The following TBX4 variants were observed in gnomAD, a reference collection of about 807,000 sequenced individuals.
TBX4 encodes T-box transcription factor 4.
A neutral mutation model predicts 54.6 loss-of-function variants in TBX4; 13 were observed. The observed-to-expected ratio is 0.24, with a 90% CI of 0.15 to 0.38. The LOEUF (loss-of-function observed/expected upper bound fraction) is 0.38, where lower values mean the gene tolerates loss of function less well. TBX4 is among the 10% of genes least tolerant of loss of function. The pLI, the probability that TBX4 is intolerant of heterozygous loss-of-function variation, is 1.00. For synonymous variants in TBX4, 314 were observed against 306.7 expected (o/e 1.02, Z -0.25); for missense variants, 631 against 728.5 (o/e 0.87, Z 1.54).
At chr17:61,458,065 G>T (rs929919210) in intron 3 of TBX4, among the ~76,000 whole-genome samples, 1 of 151,850 alleles carries the variant, frequency 6.6e-6, no homozygotes, top group Admixed American at 6.6e-5. Flanking sequence ...ATACATTTTC[G>T]TGAGTGACTC....
intron 3 of TBX4, among the ~76,000 whole-genome samples, chr17:61,458,954 C>A (rs1266375852): frequency 3.3e-5 from 5 of 152,248 alleles, no homozygotes; most frequent in African/African-American, 1.2e-4. Context: ...CCCTGGCAGG[C>A]CTTATAAAGT....
In TBX4 at chr17:61,457,608, G is replaced by A. The variant is rs751168165; in HGVS notation, c.258G>A (p.Glu86=). ...AGAAGTTCCACGAGGCGGGCACCGA[G>A]ATGATCATCACTAAGGCTGGCAGGT... ...LWKKFHEAGT[E]MIITKAGRRM... The change falls in exon 3 of 9, where the codon GAG becomes GAA. Residue 86 remains glutamate (E), a synonymous_variant. Transcript: ENST00000644296. This position sits in a 1 kb window ranked among gnomAD's most constrained non-coding sequence, Gnocchi z 8.2. 5.6e-6 allele frequency: 9 copies of A among 1,613,890 alleles called. No homozygotes were observed. The highest frequency in any genetic ancestry group is 2.5e-6 in the Non-Finnish European group (3 of 1,179,992).
Position 61,459,549 on chromosome 17 carries a change from TTTTG to T in TBX4, c.281+1930_281+1933del, listed in dbSNP as rs1419391506. Among the ~76,000 whole-genome samples the T allele has an allele frequency of 6.6e-6, 1 of 152,136 alleles. No homozygotes were observed. The highest frequency in any genetic ancestry group is 1.5e-5 in the Non-Finnish European group (1 of 68,032). On this transcript the variant is annotated intron_variant, in intron 3 of 8. Transcript: ENST00000644296. This position sits in a 1 kb window ranked among gnomAD's most constrained non-coding sequence, Gnocchi z 4.8. ...CTTTGGCATTTTAAACAAAGGGCAT[TTTTG>T]TTTGTTTGTTTTCCTCAGTAGTGTT...
At position 61,459,046 on chromosome 17, in the gene TBX4, G is replaced by C. The variant is rs1177413210; in HGVS notation, c.281+1415G>C. 1.3e-5 allele frequency among the ~76,000 whole-genome samples: 2 copies of C among 152,248 alleles called. No individual in the cohort carries two copies. Among genetic ancestry groups the C allele is most frequent in the East Asian group, 3.8e-4 (2 of 5,200 alleles). Reference sequence around the variant, plus strand: ...CCAGGGAGGTGGCATCACCACTCAGGGCCTCTATCAGGAGAGAAAGTAGGT... The same window carrying C: ...CCAGGGAGGTGGCATCACCACTCAGCGCCTCTATCAGGAGAGAAAGTAGGT... On this transcript the variant is annotated intron_variant, in intron 3 of 8. Coordinates refer to ENST00000644296, the MANE Select transcript of TBX4 (RefSeq NM_001321120.2). The surrounding 1 kb of genome is among the most constrained non-coding windows in gnomAD (Gnocchi z 4.8).
At position 61,457,540 on chromosome 17, in the gene TBX4, A is replaced by T. The variant is rs554741896; in HGVS notation, c.190A>T (p.Ile64Phe). The T allele has an allele frequency of 2.1e-5, 34 of 1,613,796 alleles. No homozygotes were observed. In the South Asian group the frequency reaches 3.5e-4, roughly 17 times the overall value. The change falls in exon 3 of 9, where the codon ATC becomes TTC. Residue 64 changes from isoleucine (I) to phenylalanine (F), a missense_variant. Transcript: ENST00000644296. This position sits in a 1 kb window ranked among gnomAD's most constrained non-coding sequence, Gnocchi z 8.2. ...VVAAAAAEQT[I>F]ENIKVGLHEK... ...TTTCTCTCCCTCCCATCCCCAGACC[A>T]TCGAGAACATCAAGGTGGGGCTGCA...
chr17:61,473,516 G>C (rs1157608406), intron 5 of TBX4, among the ~76,000 whole-genome samples: 2 of 152,220 alleles, frequency 1.3e-5, no homozygotes, highest in Non-Finnish European at 2.9e-5. Flanking sequence ...TGCCAGTGGG[G>C]ACCCAGAGCT....
Position 61,479,038 on chromosome 17 carries a change from G to A in TBX4, c.702+259G>A, listed in dbSNP as rs983890260. 1.3e-5 allele frequency among the ~76,000 whole-genome samples: 2 copies of A among 152,218 alleles called. No homozygotes were observed. The highest frequency in any genetic ancestry group is 2.9e-5 in the Non-Finnish European group (2 of 68,040). ...TGGGGAATGGAGAAAATTGGCAACT[G>A]TAAAAACCAGGAGCTTGGAGTCTGC... On this transcript the variant is annotated intron_variant, in intron 6 of 8. Coordinates refer to ENST00000644296, the MANE Select transcript of TBX4 (RefSeq NM_001321120.2). The surrounding 1 kb of genome is among the most constrained non-coding windows in gnomAD (Gnocchi z 6.1).
chr17:61,483,158 C>T lies in TBX4; in HGVS notation c.1283C>T (p.Thr428Ile). 6.2e-7 allele frequency: 1 copy of T among 1,614,164 alleles called. No homozygotes were observed. The highest frequency in any genetic ancestry group is 2.2e-5 in the East Asian group (1 of 44,860). The part of the protein sequence containing the change: ...CNMWTSVSPY[T>I]SYSVQTMETV... ...ATGTGGACTTCAGTGTCGCCGTACA[C>T]CAGCTATAGCGTGCAGACGATGGAG... The change falls in exon 9 of 9, where the codon ACC (threonine) becomes ATC (isoleucine). Residue 428 changes from threonine (T) to isoleucine (I), a missense_variant. Thr to Ile is a moderately conservative substitution (Grantham distance 89). Coordinates refer to ENST00000644296, the MANE Select transcript of TBX4 (RefSeq NM_001321120.2). This position sits in a 1 kb window ranked among gnomAD's most constrained non-coding sequence, Gnocchi z 6.6.
intron 1 of TBX4, among the ~76,000 whole-genome samples, chr17:61,455,101 A>G (rs912596067): frequency 2.0e-5 from 3 of 152,234 alleles, no homozygotes; most frequent in African/African-American, 7.2e-5. Flanking sequence ...CTGTGGCCGA[A>G]GACTGGTCCG....
intron 5 of TBX4, among the ~76,000 whole-genome samples, chr17:61,473,485 C>A (rs997982000): frequency 6.6e-6 from 1 of 152,212 alleles, no homozygotes; most frequent in African/African-American, 2.4e-5. Context: ...AGATGTCCCC[C>A]CAAAGCTTAT....
Position 61,457,703 on chromosome 17 carries a change from T to C in TBX4, c.281+72T>C. On this transcript the variant is annotated intron_variant, in intron 3 of 8. Coordinates refer to ENST00000644296, the MANE Select transcript of TBX4 (RefSeq NM_001321120.2). This position sits in a 1 kb window ranked among gnomAD's most constrained non-coding sequence, Gnocchi z 8.2. ...GGGGGCCAGGGAGGTCCCTTAGAAG[T>C]CCTCTCGGCCCCGGCCTGGTGGCCT... 1 of 1,452,812 alleles carries C rather than the reference T, an allele frequency of 6.9e-7. No individual in the cohort carries two copies. Among genetic ancestry groups the C allele is most frequent in the Non-Finnish European group, 9.6e-7 (1 of 1,042,974 alleles). The allele number at this position is 1,452,812 out of a possible 1,614,324, so 90.0% of individuals were successfully genotyped here.
At position 61,457,490 on chromosome 17, in the gene TBX4, G is replaced by A; in HGVS notation, c.187-47G>A. 1 of 1,575,234 alleles carries A rather than the reference G, an allele frequency of 6.3e-7. No homozygotes were observed. The highest frequency in any genetic ancestry group is 8.7e-7 in the Non-Finnish European group (1 of 1,145,018). ...TTCTTCTTTCCTCAGGCTCCGCGTGGAGCCCTGGGCCTGGCAGACACAAGT... is the reference window on the plus strand; with the variant it reads ...TTCTTCTTTCCTCAGGCTCCGCGTGAAGCCCTGGGCCTGGCAGACACAAGT... On this transcript the variant is annotated intron_variant, in intron 2 of 8. Transcript: ENST00000644296. This position sits in a 1 kb window ranked among gnomAD's most constrained non-coding sequence, Gnocchi z 8.2.
At position 61,465,785 on chromosome 17, in the gene TBX4, C is replaced by T. The variant is rs755756182; in HGVS notation, c.282-34C>T. On this transcript the variant is annotated intron_variant, in intron 3 of 8. Coordinates refer to ENST00000644296, the MANE Select transcript of TBX4 (RefSeq NM_001321120.2). The surrounding 1 kb of genome is among the most constrained non-coding windows in gnomAD (Gnocchi z 4.9). ...TGTTCCATCTCTCCTGGTGCTCTGT[C>T]CACACGCTCCGCCTCACCCCTCGGC... The T allele has an allele frequency of 6.8e-6, 11 of 1,613,172 alleles. No individual in the cohort carries two copies. The highest frequency in any genetic ancestry group is 9.3e-6 in the Non-Finnish European group (11 of 1,179,450).
At position 61,483,760 on chromosome 17, in the gene TBX4, C is replaced by T; in HGVS notation, c.*244C>T. ...TTTATCTAAGAAGTGATTTTGGCTGCAGGACCTGGGTCTATTGTTATCTGA... is the reference window on the plus strand; with the variant it reads ...TTTATCTAAGAAGTGATTTTGGCTGTAGGACCTGGGTCTATTGTTATCTGA... On this transcript the variant is annotated 3_prime_UTR_variant, in exon 9 of 9. Coordinates refer to ENST00000644296, the MANE Select transcript of TBX4 (RefSeq NM_001321120.2). This position sits in a 1 kb window ranked among gnomAD's most constrained non-coding sequence, Gnocchi z 6.6. 3.7e-6 allele frequency: 2 copies of T among 544,062 alleles called. No homozygotes were observed. The highest frequency in any genetic ancestry group is 6.6e-6 in the Non-Finnish European group (2 of 302,176). The allele number at this position is 544,062 out of a possible 1,614,324, so 33.7% of individuals were successfully genotyped here.
rs911419462 is a variant in TBX4, at chr17:61,473,881, G to C, written c.550-4746G>C. ...GCCAGCTGTTACTGCTGTTGCTGTG[G>C]CAGAAGGCAGGAAGGTTTGGAGGCC... On this transcript the variant is annotated intron_variant, in intron 5 of 8. Coordinates refer to ENST00000644296, the MANE Select transcript of TBX4 (RefSeq NM_001321120.2). Among the ~76,000 whole-genome samples, 13 of 152,348 alleles carry C rather than the reference G, an allele frequency of 8.5e-5. 1 individual carries two copies. The East Asian group carries it at 2.5e-3, about 29-fold the overall frequency.
chr17:61,470,192 T>C (rs2060567167), intron 5 of TBX4, among the ~76,000 whole-genome samples: 1 of 152,198 alleles, frequency 6.6e-6, no homozygotes, highest in South Asian at 2.1e-4. Flanking sequence ...TGGAGATCCC[T>C]GGGCCCAAGC....
chr17:61,482,610 G>A (rs7214133), intron 8 of TBX4, among the ~76,000 whole-genome samples: 25,749 of 152,256 alleles, frequency 0.17, 2,420 homozygotes, highest in Middle Eastern at 0.22. Context: ...GCAAGAGTCA[G>A]GCTGGCGAAG....
rs2060589207 is a variant in TBX4, at chr17:61,472,677, C to T, written c.549+5020C>T. 1.3e-5 allele frequency among the ~76,000 whole-genome samples: 2 copies of T among 152,162 alleles called. No individual in the cohort carries two copies. Among genetic ancestry groups the T allele is most frequent in the Non-Finnish European group, 2.9e-5 (2 of 68,018 alleles). The stretch of plus-strand genomic sequence containing the variant: ...TTTGAGTTATTGAAAGCCCTAACCC[C>T]CCTCCTTACTTATAAGGGACTTTTC... On this transcript the variant is annotated intron_variant, in intron 5 of 8. Transcript: ENST00000644296. This position sits in a 1 kb window ranked among gnomAD's most constrained non-coding sequence, Gnocchi z 4.5.
intron 4 of TBX4, 112 bp from the exon 5 acceptor site, chr17:61,467,384 ACAATGTGGTGGGAC>A: frequency 9.3e-7 from 1 of 1,076,112 alleles, no homozygotes; most frequent in Non-Finnish European, 1.4e-6. Context: ...TACTAATTTG[ACAATGTGGTGGGAC>A]CAGCAGCTAT....
Sources: allele counts gnomAD v4.1 joint callset (sites outside exome capture counted in the v4.1 genomes callset), GRCh38; gene constraint gnomAD v4.1.1; non-coding constraint Gnocchi (gnomAD v3.1); transcripts MANE v1.5; gene names NCBI Gene and HGNC (gene_info 2026-07-23, HGNC 2026-07-21).